Variants in NRP2 observed in about 807,000 individuals in gnomAD.
NRP2 encodes neuropilin 2.
Under a neutral mutation model 110.4 loss-of-function variants are expected in NRP2, and 52 were observed. The ratio of observed to expected loss-of-function variants is 0.47; its 90% CI spans 0.38 to 0.59. The LOEUF is 0.59. NRP2 is among the 20% of genes least tolerant of loss of function. The pLI is 0.00. For missense variants in NRP2, 1,049 were observed against 1,203.0 expected (o/e 0.87, Z 1.89); for synonymous variants, 508 against 468.9 (o/e 1.08, Z -1.08).
At chr2:205,749,930 C>A (rs1194982297) in intron 11 of NRP2, 89 bp downstream of exon 11, 2 of 971,320 alleles carry the variant, frequency 2.1e-6, no homozygotes, top group African/African-American at 3.2e-5. Context: ...AGTGGTCCCC[C>A]AGATCAGAGA....
intron 2 of NRP2, among the ~76,000 whole-genome samples, chr2:205,707,273 T>C (rs1356053341): frequency 6.6e-6 from 1 of 152,244 alleles, no homozygotes; most frequent in Non-Finnish European, 1.5e-5. Flanking sequence ...GTCGAAAGCA[T>C]AGTCACAAAC....
chr2:205,717,595 C>T (rs2056926109), intron 3 of NRP2, among the ~76,000 whole-genome samples: 1 of 152,206 alleles, frequency 6.6e-6, no homozygotes, highest in Non-Finnish European at 1.5e-5. Context: ...TGCTGCAGGG[C>T]ACAGGTCCCA....
intron 3 of NRP2, among the ~76,000 whole-genome samples, chr2:205,717,815 A>G (rs1194879832): frequency 6.6e-6 from 1 of 152,250 alleles, no homozygotes; most frequent in Non-Finnish European, 1.5e-5. Flanking sequence ...TAAAAGAGAA[A>G]GAAATAAAAG....
chr2:205,700,549 GC>G (rs2056530763), intron 2 of NRP2, among the ~76,000 whole-genome samples: 1 of 152,192 alleles, frequency 6.6e-6, no homozygotes, highest in Admixed American at 6.5e-5. Context: ...TGGAAACAGG[GC>G]CCTGATATGA....
rs747163585 is a variant in NRP2 at position 205,743,180 on chromosome 2, G to T, written c.1292-23G>T. The T allele has an allele frequency of 1.0e-5, 16 of 1,606,820 alleles. No individual in the cohort carries two copies. The South Asian group carries it at 1.5e-4, about 15-fold the overall frequency. The stretch of plus-strand genomic sequence containing the variant: ...TAGCAGGTGTCAGCCATGACCTCTT[G>T]TATCTTCCTCTCCTCTCTGCAGATG... On this transcript the variant is annotated intron_variant, in intron 8 of 16. Coordinates refer to ENST00000357785, the MANE Select transcript of NRP2 (RefSeq NM_003872.3).
intron 7 of NRP2, among the ~76,000 whole-genome samples, chr2:205,737,337 T>C (rs187532641): frequency 6.6e-6 from 1 of 152,140 alleles, no homozygotes; most frequent in Non-Finnish European, 1.5e-5. Flanking sequence ...CCACAAAAAG[T>C]CATGCGAAGA....
At chr2:205,723,125 C>T (rs973286662) in intron 4 of NRP2, among the ~76,000 whole-genome samples, 2 of 152,150 alleles carry the variant, frequency 1.3e-5, no homozygotes, top group Non-Finnish European at 2.9e-5. Flanking sequence ...CTATCTGTGC[C>T]TTATCTGTGT....
chr2:205,746,656 C>A (rs549867000), intron 10 of NRP2, among the ~76,000 whole-genome samples: 1 of 152,332 alleles, frequency 6.6e-6, no homozygotes, highest in South Asian at 2.1e-4. Flanking sequence ...AGGGACTGAG[C>A]CTGATGCCAG....
chr2:205,771,096 G>T (rs934025334), intron 15 of NRP2, among the ~76,000 whole-genome samples: 5 of 152,344 alleles, frequency 3.3e-5, no homozygotes, highest in Non-Finnish European at 2.9e-5. Context: ...TGCCACCAAA[G>T]AGTGTGAAGC....
rs953354996 is a variant in NRP2, at chr2:205,796,173, G to A, written c.*1115G>A. On this transcript the variant is annotated 3_prime_UTR_variant, in exon 17 of 17. Coordinates refer to ENST00000357785, the MANE Select transcript of NRP2 (RefSeq NM_003872.3). ...AGCCCAACCTCTGTGATCATATGAG[G>A]GCCAAGGCTGAGCAGTGTAGACAGA... is the stretch of plus-strand genomic sequence containing the variant. 1 of 152,138 alleles carries A rather than the reference G, an allele frequency of 6.6e-6. No individual in the cohort carries two copies. The highest frequency in any genetic ancestry group is 1.5e-5 in the Non-Finnish European group (1 of 68,036). 9.4% of individuals were successfully genotyped at this position (152,138 alleles called of 1,614,324 possible). A position where few individuals can be genotyped will look rare whatever the true frequency, so the allele number is the denominator to read the frequency against.
At chr2:205,771,399 C>A (rs2241153) in intron 15 of NRP2, among the ~76,000 whole-genome samples, 51,761 of 152,106 alleles carry the variant, frequency 0.34, 9,343 homozygotes, top group Non-Finnish European at 0.41. Flanking sequence ...ATTAAATAAA[C>A]CTTTATGTGA....
chr2:205,775,945 T>C (rs1389592681), intron 15 of NRP2, among the ~76,000 whole-genome samples: 2 of 152,212 alleles, frequency 1.3e-5, no homozygotes, highest in Non-Finnish European at 2.9e-5. Flanking sequence ...CCATTCTTGG[T>C]TGAATCCCAT....
chr2:205,780,955 T>C (rs1277763228), intron 15 of NRP2, among the ~76,000 whole-genome samples: 1 of 152,224 alleles, frequency 6.6e-6, no homozygotes, highest in Non-Finnish European at 1.5e-5. Flanking sequence ...ATTACCCCTT[T>C]TGTCTAAATA....
chr2:205,720,197 C>T (rs781152509), intron 3 of NRP2, among the ~76,000 whole-genome samples: 5 of 151,670 alleles, frequency 3.3e-5, no homozygotes, highest in African/African-American at 7.3e-5. Context: ...GTTTTTCCAC[C>T]GCCTTCAAAA....
rs2057118236 is a variant in NRP2 at position 205,725,913 on chromosome 2, A to T, written c.821A>T (p.Asn274Ile). Residue 274 changes from asparagine to isoleucine, a missense_variant and splice_region_variant, in exon 6 of 17, where the codon AAC becomes ATC. By Grantham distance (149) the Asn-to-Ile change is moderately radical (BLOSUM62 -3). Coordinates refer to ENST00000357785, the MANE Select transcript of NRP2 (RefSeq NM_003872.3). This position sits in a 1 kb window ranked among gnomAD's most constrained non-coding sequence, Gnocchi z 4.1. ...YYLVHQEPLENFQCNVPLGME... is the reference protein window; with the variant it reads ...YYLVHQEPLEIFQCNVPLGME... ...GCATTTGACCGTCTGCTTTCCCCAG[A>T]CTTTCAGTGCAATGTTCCTCTGGGC... 1 of 1,614,030 alleles carries T rather than the reference A, an allele frequency of 6.2e-7. No homozygotes were observed. Among genetic ancestry groups the T allele is most frequent in the African/African-American group, 1.3e-5 (1 of 75,000 alleles).
intron 15 of NRP2, chr2:205,777,278 G>T (rs775024370): frequency 6.7e-5 from 24 of 356,748 alleles, no homozygotes; most frequent in Non-Finnish European, 9.4e-5. Context: ...CCCAAGAGAA[G>T]GTTCCCCTAG....
intron 3 of NRP2, among the ~76,000 whole-genome samples, chr2:205,722,012 C>T (rs77118624): frequency 0.042 from 6,377 of 152,170 alleles, 368 homozygotes; most frequent in African/African-American, 0.14. Flanking sequence ...AGGTCAGCAA[C>T]AAATAAGGGG....
At chr2:205,727,278 G>C (rs1422142666) in intron 6 of NRP2, among the ~76,000 whole-genome samples, 1 of 152,202 alleles carries the variant, frequency 6.6e-6, no homozygotes, top group Non-Finnish European at 1.5e-5. Context: ...AATGGGTTTG[G>C]CATTGTGGGA....
intron 15 of NRP2, among the ~76,000 whole-genome samples, chr2:205,768,728 G>A (rs769779040): frequency 6.6e-5 from 10 of 152,188 alleles, no homozygotes; most frequent in African/African-American, 2.2e-4. Flanking sequence ...CTGGTGGGCC[G>A]CTTTGAGGCT....
Sources: gnomAD v4.1 joint callset for allele counts (sites outside exome capture counted in the v4.1 genomes callset) on GRCh38, gnomAD v4.1.1 for gene constraint, Gnocchi (gnomAD v3.1) non-coding constraint, MANE v1.5 for transcripts, NCBI Gene and HGNC (gene_info 2026-07-23, HGNC 2026-07-21) for gene names.